The following MIPOL1 variants were observed in gnomAD, a reference collection of about 807,000 sequenced individuals.
MIPOL1 encodes mirror-image polydactyly 1, also known as mirror-image polydactyly gene 1 protein.
Under a neutral mutation model 60.9 loss-of-function variants are expected in MIPOL1, and 57 were observed. The ratio of observed to expected loss-of-function variants is 0.94; its 90% confidence interval spans 0.76 to 1.17. MIPOL1 has a LOEUF of 1.17. MIPOL1 is among the 50% of genes most tolerant of loss of function. MIPOL1 has a pLI of 0.00. For missense variants in MIPOL1, 551 were observed against 511.6 expected, an observed-to-expected ratio of 1.08 and a Z score of -0.74; for synonymous variants, 179 against 168.8, an observed-to-expected ratio of 1.06 and a Z score of -0.47.
chr14:37,248,523 G>C (rs957599088), intron 3 of MIPOL1, among the ~76,000 whole-genome samples: 2 of 152,038 alleles, frequency 1.3e-5, no homozygotes, highest in Non-Finnish European at 2.9e-5. Flanking sequence ...GACAGATACA[G>C]AGAAAGAGAT....
chr14:37,467,433 T>A (rs574449433), intron 11 of MIPOL1, among the ~76,000 whole-genome samples: 2 of 152,332 alleles, frequency 1.3e-5, no homozygotes, highest in African/African-American at 4.8e-5. Context: ...ATGATAAATA[T>A]CATTTTTTAT....
At chr14:37,203,487 G>A (rs1309243569) in intron 1 of MIPOL1, among the ~76,000 whole-genome samples, 1 of 152,158 alleles carries the variant, frequency 6.6e-6, no homozygotes, top group Non-Finnish European at 1.5e-5. Context: ...GTGATAGGGA[G>A]CCTTCTAAAA....
chr14:37,519,559 C>CT (rs1049922679), intron 12 of MIPOL1, among the ~76,000 whole-genome samples: 6 of 151,770 alleles, frequency 4.0e-5, no homozygotes, highest in African/African-American at 1.2e-4. Flanking sequence ...ATCTTGATTA[C>CT]TTTTTTTTAC....
intron 9 of MIPOL1, among the ~76,000 whole-genome samples, chr14:37,363,253 T>C (rs535182133): frequency 6.6e-6 from 1 of 152,344 alleles, no homozygotes; most frequent in African/African-American, 2.4e-5. Flanking sequence ...TGTATTTATC[T>C]ACCTTTGGTC....
intron 12 of MIPOL1, chr14:37,504,441 G>C (rs1446812308): frequency 6.6e-6 from 1 of 152,168 alleles, no homozygotes; most frequent in Non-Finnish European, 1.5e-5. Flanking sequence ...TAGAACTCAG[G>C]ATTAAGAAAC....
intron 9 of MIPOL1, among the ~76,000 whole-genome samples, chr14:37,353,653 G>A (rs1172676133): frequency 6.6e-6 from 1 of 151,398 alleles, no homozygotes; most frequent in African/African-American, 2.4e-5. Context: ...ATGTGTCCAG[G>A]AATTTATCCA....
intron 11 of MIPOL1, among the ~76,000 whole-genome samples, chr14:37,471,751 AG>A (rs2094692099): frequency 6.6e-6 from 1 of 152,024 alleles, no homozygotes; most frequent in Non-Finnish European, 1.5e-5. Flanking sequence ...CTCTTACCAT[AG>A]GCCTTTGTAC....
chr14:37,269,955 G>A (rs1283619275), intron 5 of MIPOL1, among the ~76,000 whole-genome samples: 1 of 152,060 alleles, frequency 6.6e-6, no homozygotes, highest in Admixed American at 6.6e-5. Context: ...AGCCTCTCGA[G>A]TAGCTGGGAT....
intron 12 of MIPOL1, among the ~76,000 whole-genome samples, chr14:37,536,454 C>G (rs748765759): frequency 3.4e-4 from 52 of 152,128 alleles, no homozygotes; most frequent in Non-Finnish European, 5.3e-4. Context: ...AAGCTTTGTA[C>G]TGTAATAAAT....
At chr14:37,281,338 T>C (rs557279793) in intron 6 of MIPOL1, among the ~76,000 whole-genome samples, 2 of 152,344 alleles carry the variant, frequency 1.3e-5, no homozygotes, top group South Asian at 2.1e-4. Flanking sequence ...TATTTCTGGC[T>C]GCTCTATCCT....
chr14:37,259,917 C>T (rs1002134117), intron 3 of MIPOL1, among the ~76,000 whole-genome samples: 2 of 152,052 alleles, frequency 1.3e-5, no homozygotes, highest in African/African-American at 4.8e-5. Flanking sequence ...CTTTTCTTTA[C>T]TTGTTTGCAA....
At chr14:37,451,775 T>G (rs931977801) in intron 11 of MIPOL1, among the ~76,000 whole-genome samples, 6 of 151,238 alleles carry the variant, frequency 4.0e-5, no homozygotes, top group Non-Finnish European at 8.8e-5. Flanking sequence ...AAAGAAATCA[T>G]TGTGAGCCTT....
chr14:37,288,599 T>C (rs1255502175), intron 7 of MIPOL1, among the ~76,000 whole-genome samples: 1 of 151,470 alleles, frequency 6.6e-6, no homozygotes, highest in East Asian at 1.9e-4. Flanking sequence ...AGTCCAGGAG[T>C]TCAAGACCAT....
intron 9 of MIPOL1, among the ~76,000 whole-genome samples, chr14:37,329,306 G>GAA (rs2089473866): frequency 1.3e-5 from 2 of 152,064 alleles, no homozygotes; most frequent in African/African-American, 4.8e-5. Flanking sequence ...AGAACTGTCT[G>GAA]AGGTCTCTAA....
rs529323034 is a variant in MIPOL1, at chr14:37,434,864, A to C, written c.1031+11915A>C. On this transcript the variant is annotated intron_variant, in intron 11 of 12. Transcript: ENST00000684589. The stretch of plus-strand genomic sequence containing the variant: ...GTTAATCACAGCAAAAAAAAAAAAA[A>C]AACAAAATACCTTCACAGCAACATC... 3.7e-3 allele frequency among the ~76,000 whole-genome samples: 563 copies of C among 152,054 alleles called. 4 individuals carry two copies. Among genetic ancestry groups the C allele is most frequent in the Middle Eastern group, 0.031 (9 of 294 alleles).
intron 6 of MIPOL1, among the ~76,000 whole-genome samples, chr14:37,274,125 A>G (rs897294482): frequency 2.6e-5 from 4 of 151,554 alleles, no homozygotes; most frequent in African/African-American, 9.7e-5. Context: ...GATATTTAAT[A>G]TCACTAATAC....
chr14:37,471,955 G>T (rs1373525862), intron 11 of MIPOL1, among the ~76,000 whole-genome samples: 1 of 152,178 alleles, frequency 6.6e-6, no homozygotes, highest in Non-Finnish European at 1.5e-5. Context: ...CTCATTTATA[G>T]GAGGAAGGGA....
intron 12 of MIPOL1, among the ~76,000 whole-genome samples, chr14:37,515,905 G>A (rs970593600): frequency 1.4e-4 from 22 of 152,298 alleles, no homozygotes; most frequent in Admixed American, 3.9e-4. Flanking sequence ...ATGTGGCTAA[G>A]ACCCAGTAGT....
chr14:37,440,134 A>T (rs1326163112), intron 11 of MIPOL1, among the ~76,000 whole-genome samples: 1 of 152,208 alleles, frequency 6.6e-6, no homozygotes, highest in Non-Finnish European at 1.5e-5. Flanking sequence ...GGCATGAGCC[A>T]CTACACCTGG....
Sources: allele counts gnomAD v4.1 joint callset (sites outside exome capture counted in the v4.1 genomes callset), GRCh38; gene constraint gnomAD v4.1.1; transcripts MANE v1.5; gene names NCBI Gene and HGNC (gene_info 2026-07-23, HGNC 2026-07-21).